MAN1A1: variants seen among roughly 807,000 people sequenced by gnomAD.
MAN1A1 encodes the protein mannosidase alpha class 1A member 1, also known as mannosyl-oligosaccharide 1,2-alpha-mannosidase IA.
In MAN1A1, 29 loss-of-function variants were observed where a neutral mutation model predicts 70.8. The ratio of observed to expected loss-of-function variants is 0.41; its 90% CI spans 0.31 to 0.56. MAN1A1 has a LOEUF of 0.56. Among genes scored for constraint, MAN1A1 ranks in the 20% least tolerant of loss-of-function variants. The pLI is 0.29. For synonymous variants in MAN1A1, 349 were observed against 330.1 expected (o/e 1.06, Z -0.62); for missense variants, 747 against 841.3 (o/e 0.89, Z 1.39).
At chr6:119,292,541 A>C (rs961493933) in intron 4 of MAN1A1, among the ~76,000 whole-genome samples, 2 of 152,074 alleles carry the variant, frequency 1.3e-5, no homozygotes, top group African/African-American at 2.4e-5. Flanking sequence ...TTCCAGAAAA[A>C]AAAGGAGGTA....
At chr6:119,273,517 T>C (rs753940527) in intron 5 of MAN1A1, among the ~76,000 whole-genome samples, 1 of 152,206 alleles carries the variant, frequency 6.6e-6, no homozygotes, top group Non-Finnish European at 1.5e-5. Context: ...TGCTGAATAT[T>C]TGAGATGTTT....
intron 5 of MAN1A1, among the ~76,000 whole-genome samples, chr6:119,250,884 AC>A (rs375073298): frequency 3.2e-4 from 49 of 152,338 alleles, no homozygotes; most frequent in African/African-American, 1.1e-3. Context: ...AACATGTCCA[AC>A]ATGGAATTAA....
chr6:119,215,612 G>A (rs1774177961), intron 6 of MAN1A1, among the ~76,000 whole-genome samples: 1 of 152,106 alleles, frequency 6.6e-6, no homozygotes, highest in African/African-American at 2.4e-5. Context: ...TTATAGATTG[G>A]GTCTACACTT....
intron 6 of MAN1A1, chr6:119,210,742 T>G (rs2267676): frequency 0.3 from 60,524 of 199,458 alleles, 10,029 homozygotes; most frequent in East Asian, 0.56. Flanking sequence ...CAGACAAAAA[T>G]GTCTACAAAG....
intron 5 of MAN1A1, among the ~76,000 whole-genome samples, chr6:119,275,738 G>T (rs918138658): frequency 6.6e-6 from 1 of 152,148 alleles, no homozygotes; most frequent in African/African-American, 2.4e-5. Context: ...CACTGTGCCC[G>T]GCAACTGCTA....
Position 119,348,756 on chromosome 6 carries a change from G to A in MAN1A1, c.310C>T (p.Arg104Cys). 6.5e-7 allele frequency: 1 copy of A among 1,548,936 alleles called. No individual in the cohort carries two copies. The highest frequency in any genetic ancestry group is 1.2e-5 in the South Asian group (1 of 83,320). ...AEDAAEGRARRREEGAPGDPE... is the reference protein window; with the variant it reads ...AEDAAEGRARCREEGAPGDPE... ...TCCCCGGGTGCCCCCTCCTCGCGGC[G>A]CCGGGCTCGCCCCTCGGCCGCGTCC... Residue 104 changes from arginine (R) to cysteine (C), a missense_variant, in exon 2 of 13, where the codon CGC (arginine) becomes TGC (cysteine). Coordinates refer to ENST00000368468, the MANE Select transcript of MAN1A1 (RefSeq NM_005907.4).
chr6:119,185,549 C>T (rs1773262810), intron 11 of MAN1A1, among the ~76,000 whole-genome samples: 1 of 151,994 alleles, frequency 6.6e-6, no homozygotes, highest in Non-Finnish European at 1.5e-5. Context: ...GAGAAGCTAA[C>T]ACTGACCATA....
chr6:119,226,869 G>A (rs1216113105), intron 6 of MAN1A1, among the ~76,000 whole-genome samples: 1 of 151,948 alleles, frequency 6.6e-6, no homozygotes, highest in Non-Finnish European at 1.5e-5. Context: ...ACAGAGTTTT[G>A]CCATGTTGCC....
At chr6:119,255,315 T>C (rs1359238868) in intron 5 of MAN1A1, among the ~76,000 whole-genome samples, 2 of 152,228 alleles carry the variant, frequency 1.3e-5, no homozygotes, top group Non-Finnish European at 2.9e-5. Flanking sequence ...GTTCACCATT[T>C]GTACAAGTAC....
Position 119,349,001 on chromosome 6 carries a change from AG to A in MAN1A1, c.64del (p.Leu22SerfsTer17). Reference protein sequence around the residue: ...SPAGGVLGGGLGGGGGRKGSG... With the variant: ...SPAGGVLGGGXGGGGGRKGSG... ...CCCCTTCCTGCCACCGCCGCCGCCG[AG>A]CCCCCCGCCCAGGACGCCGCCCGCG... On this transcript the variant is annotated frameshift_variant, in exon 2 of 13. Transcript: ENST00000368468. LOFTEE classifies it high-confidence loss of function. The A allele has an allele frequency of 7.0e-7, 1 of 1,420,122 alleles. No individual in the cohort carries two copies. The highest frequency in any genetic ancestry group is 9.2e-7 in the Non-Finnish European group (1 of 1,082,504). 88.0% of individuals were successfully genotyped at this position (1,420,122 alleles called of 1,614,324 possible).
At chr6:119,239,449 A>G (rs1437828388) in intron 6 of MAN1A1, among the ~76,000 whole-genome samples, 1 of 152,220 alleles carries the variant, frequency 6.6e-6, no homozygotes, top group Non-Finnish European at 1.5e-5. Context: ...CTGCACAAGC[A>G]GGAAACATGG....
intron 2 of MAN1A1, among the ~76,000 whole-genome samples, chr6:119,317,182 A>C (rs978656039): frequency 6.6e-6 from 1 of 152,092 alleles, no homozygotes; most frequent in Non-Finnish European, 1.5e-5. Context: ...CCTCCTCACT[A>C]TCAACATTAC....
intron 2 of MAN1A1, among the ~76,000 whole-genome samples, chr6:119,312,028 G>A (rs760114227): frequency 1.3e-5 from 2 of 152,152 alleles, no homozygotes; most frequent in African/African-American, 2.4e-5. Flanking sequence ...AACAGACAGA[G>A]GCCATGTTTG....
intron 5 of MAN1A1, among the ~76,000 whole-genome samples, chr6:119,273,714 A>T (rs954938818): frequency 1.3e-5 from 2 of 152,124 alleles, no homozygotes; most frequent in East Asian, 1.9e-4. Context: ...ATCATATTAC[A>T]TTCCCAACAG....
At chr6:119,254,684 C>A (rs1205516706) in intron 5 of MAN1A1, among the ~76,000 whole-genome samples, 1 of 152,110 alleles carries the variant, frequency 6.6e-6, no homozygotes, top group Admixed American at 6.5e-5. Flanking sequence ...GGTTTTTGTA[C>A]AACTAGCAAT....
intron 11 of MAN1A1, among the ~76,000 whole-genome samples, chr6:119,186,802 C>T (rs752403755): frequency 1.3e-5 from 2 of 152,144 alleles, no homozygotes; most frequent in East Asian, 1.9e-4. Flanking sequence ...GAAAAACGTG[C>T]GGCCATGCCT....
intron 2 of MAN1A1, among the ~76,000 whole-genome samples, chr6:119,345,440 C>CAGAGGTGAAGGGAGG (rs1451912151): frequency 6.6e-6 from 1 of 152,094 alleles, no homozygotes; most frequent in African/African-American, 2.4e-5. Context: ...AAAATTTTAA[C>CAGAGGTGAAGGGAGG]AGAGGTGAAG....
At chr6:119,232,027 T>C (rs1354684058) in intron 6 of MAN1A1, among the ~76,000 whole-genome samples, 4 of 152,094 alleles carry the variant, frequency 2.6e-5, no homozygotes, top group African/African-American at 9.7e-5. Context: ...ACTGGTGAAA[T>C]ATAGTTCTGG....
chr6:119,199,621 A>G (rs1308844685), intron 8 of MAN1A1, among the ~76,000 whole-genome samples: 3 of 152,020 alleles, frequency 2.0e-5, no homozygotes, highest in Non-Finnish European at 2.9e-5. Flanking sequence ...TAAGAATACA[A>G]TGGGGGCTGG....
Sources: gnomAD v4.1 joint callset for allele counts (sites outside exome capture counted in the v4.1 genomes callset) on GRCh38, gnomAD v4.1.1 for gene constraint, MANE v1.5 for transcripts, NCBI Gene and HGNC (gene_info 2026-07-23, HGNC 2026-07-21) for gene names.